The following UNC5D variants were observed in gnomAD, a reference collection of about 807,000 sequenced individuals.
The protein encoded by UNC5D is netrin receptor UNC5D.
Under a neutral mutation model 105.4 loss-of-function variants are expected in UNC5D, and 39 were observed. That is an observed-to-expected ratio of 0.37 (90% CI 0.29 to 0.48). The LOEUF is 0.48. Among genes scored for constraint, UNC5D ranks in the 20% least tolerant of loss-of-function variants. The probability of loss-of-function intolerance (pLI) is 0.98; values close to 1 mark genes in which losing one functional copy is unlikely to be tolerated. For synonymous variants in UNC5D, 452 were observed against 450.4 expected (o/e 1.00, Z -0.04); for missense variants, 991 against 1,202.4 (o/e 0.82, Z 2.60).
chr8:35,268,989 G>T (rs1347366996), intron 1 of UNC5D, among the ~76,000 whole-genome samples: 15 of 152,142 alleles, frequency 9.9e-5, no homozygotes, highest in African/African-American at 3.1e-4. Flanking sequence ...TCATGAAACA[G>T]TATGTGGGTG....
At chr8:35,520,520 C>T (rs548853143) in intron 1 of UNC5D, among the ~76,000 whole-genome samples, 2 of 152,140 alleles carry the variant, frequency 1.3e-5, no homozygotes, top group South Asian at 4.1e-4. Flanking sequence ...ATATTAGAAC[C>T]ATTGAATTGT....
chr8:35,612,484 G>C (rs900251412), intron 4 of UNC5D, among the ~76,000 whole-genome samples: 4 of 152,022 alleles, frequency 2.6e-5, no homozygotes, highest in African/African-American at 9.7e-5. Context: ...GGAAATGAAG[G>C]CTTTTGAGAA....
intron 4 of UNC5D, among the ~76,000 whole-genome samples, chr8:35,605,647 G>A (rs1210152379): frequency 2.6e-5 from 4 of 152,202 alleles, no homozygotes; most frequent in Non-Finnish European, 1.5e-5. Flanking sequence ...CAGAGGTGGA[G>A]CCTACAGAGG....
At chr8:35,550,613 C>G (rs1009856833) in intron 2 of UNC5D, among the ~76,000 whole-genome samples, 2 of 151,982 alleles carry the variant, frequency 1.3e-5, no homozygotes, top group Non-Finnish European at 2.9e-5. Context: ...AGAAAATAGC[C>G]CATAGGGGTG....
intron 4 of UNC5D, among the ~76,000 whole-genome samples, chr8:35,662,464 A>G (rs1234905097): frequency 6.6e-6 from 1 of 152,196 alleles, no homozygotes; most frequent in Admixed American, 6.5e-5. Context: ...GCAAAAAACA[A>G]AGAAAAAAAA....
intron 1 of UNC5D, among the ~76,000 whole-genome samples, chr8:35,520,363 C>T (rs939253770): frequency 6.6e-6 from 1 of 151,948 alleles, no homozygotes; most frequent in African/African-American, 2.4e-5. Flanking sequence ...TAGGCAAATC[C>T]ATAGAGACAG....
At chr8:35,430,984 G>A (rs1269246622) in intron 1 of UNC5D, among the ~76,000 whole-genome samples, 1 of 152,162 alleles carries the variant, frequency 6.6e-6, no homozygotes, top group Non-Finnish European at 1.5e-5. Context: ...GCATGAAAAA[G>A]TTTGAGAAAG....
At chr8:35,361,178 G>C (rs191575750) in intron 1 of UNC5D, among the ~76,000 whole-genome samples, 15 of 152,216 alleles carry the variant, frequency 9.9e-5, no homozygotes, top group African/African-American at 3.6e-4. Flanking sequence ...GAAATGGGAA[G>C]AGCTTTGGAC....
At chr8:35,692,852 G>T (rs1306782634) in intron 7 of UNC5D, among the ~76,000 whole-genome samples, 2 of 152,270 alleles carry the variant, frequency 1.3e-5, no homozygotes, top group East Asian at 3.9e-4. Context: ...TTTACACAAA[G>T]ACTTTTTCCT....
At chr8:35,402,486 A>G (rs1036159365) in intron 1 of UNC5D, among the ~76,000 whole-genome samples, 1 of 152,084 alleles carries the variant, frequency 6.6e-6, no homozygotes, top group Non-Finnish European at 1.5e-5. Context: ...TTCTCCTGCA[A>G]CACGTGGGAA....
chr8:35,513,393 T>A (rs1171373961), intron 1 of UNC5D, among the ~76,000 whole-genome samples: 2 of 152,000 alleles, frequency 1.3e-5, no homozygotes, highest in Non-Finnish European at 2.9e-5. Context: ...CATGCCTGGC[T>A]GATTTTTTTG....
intron 14 of UNC5D, among the ~76,000 whole-genome samples, chr8:35,760,531 G>C (rs965640998): frequency 6.6e-6 from 1 of 152,104 alleles, no homozygotes; most frequent in African/African-American, 2.4e-5. Context: ...TCCTGCCACT[G>C]AAGTCTACGA....
At chr8:35,544,284 A>T in intron 1 of UNC5D, 1 of 1,251,508 alleles carries the variant, frequency 8.0e-7, no homozygotes, top group Non-Finnish European at 1.1e-6. Context: ...TGGCATTAGG[A>T]TTTAATTAAG....
At chr8:35,432,609 A>G (rs1384501494) in intron 1 of UNC5D, among the ~76,000 whole-genome samples, 1 of 152,278 alleles carries the variant, frequency 6.6e-6, no homozygotes, top group East Asian at 1.9e-4. Flanking sequence ...CTATGCAACT[A>G]ATGTTTTATG....
At chr8:35,436,112 T>C (rs1806996710) in intron 1 of UNC5D, among the ~76,000 whole-genome samples, 2 of 152,060 alleles carry the variant, frequency 1.3e-5, no homozygotes, top group African/African-American at 4.8e-5. Context: ...AATTTGTAAT[T>C]TCAATAATTA....
chr8:35,699,145 T>G lies in UNC5D; in HGVS notation c.1085-6784T>G, dbSNP rs567779218. On this transcript the variant is annotated intron_variant, in intron 7 of 16. Transcript: ENST00000404895. ...CTAACACACATGGAATCAGTAGGAA[T>G]GGATAGACATCACAATGAAGTTGGT... Among the ~76,000 whole-genome samples the G allele has an allele frequency of 2.1e-3, 321 of 152,278 alleles. 2 individuals are homozygous for G. The highest frequency in any genetic ancestry group is 7.6e-3 in the African/African-American group (314 of 41,552).
At chr8:35,703,516 T>C (rs190544515) in intron 7 of UNC5D, among the ~76,000 whole-genome samples, 15 of 152,354 alleles carry the variant, frequency 9.8e-5, no homozygotes, top group African/African-American at 3.6e-4. Flanking sequence ...TTGTGTGCCC[T>C]TGTTGCCTGA....
intron 16 of UNC5D, among the ~76,000 whole-genome samples, chr8:35,781,655 T>A (rs2131775560): frequency 6.6e-6 from 1 of 152,364 alleles, no homozygotes; most frequent in East Asian, 1.9e-4. Context: ...GTATCTAATT[T>A]ATTAGTGTCC....
chr8:35,583,984 A>G (rs1818621122), intron 3 of UNC5D, among the ~76,000 whole-genome samples: 1 of 152,120 alleles, frequency 6.6e-6, no homozygotes, highest in Admixed American at 6.6e-5. Flanking sequence ...GGCAGGGTTG[A>G]TCATTCTGGT....
Sources: allele counts gnomAD v4.1 joint callset (sites outside exome capture counted in the v4.1 genomes callset), GRCh38; gene constraint gnomAD v4.1.1; transcripts MANE v1.5; gene names NCBI Gene and HGNC (gene_info 2026-07-23, HGNC 2026-07-21).